DOK7: variants seen among roughly 807,000 people sequenced by gnomAD.
DOK7 encodes the protein protein Dok-7.
Under a neutral mutation model 30.7 loss-of-function variants are expected in DOK7, and 32 were observed. The observed-to-expected ratio is 1.04, with a 90% CI of 0.79 to 1.40. The LOEUF (loss-of-function observed/expected upper bound fraction) is 1.40. DOK7 is among the 40% of genes most tolerant of loss of function. The probability of loss-of-function intolerance (pLI) is 0.00; values close to 1 mark genes in which losing one functional copy is unlikely to be tolerated. For synonymous variants in DOK7, 447 were observed against 324.1 expected (o/e 1.38, Z -4.07); for missense variants, 1,007 against 699.2 (o/e 1.44, Z -4.97).
intron 6 of DOK7, among the ~76,000 whole-genome samples, chr4:3,491,309 G>GCCTTCTCCCCCTGCTCATTCATTCCTT (rs1218868377): frequency 4.2e-4 from 9 of 21,444 alleles, no homozygotes; most frequent in Admixed American, 7.5e-4. Context: ...ATTCATTCCT[G>GCCTTCTCCCCCTGCTCATTCATTCCTT]CCTTCTCCCC....
downstream of DOK7, among the ~76,000 whole-genome samples, chr4:3,498,533 G>A (rs116680398): frequency 0.015 from 2,309 of 152,204 alleles, 56 homozygotes; most frequent in African/African-American, 0.052. Flanking sequence ...GGCAAGCCCC[G>A]GCCCTGCCCC....
intron 4 of DOK7, among the ~76,000 whole-genome samples, chr4:3,477,766 C>G (rs1000791067): frequency 4.4e-5 from 6 of 136,000 alleles, no homozygotes; most frequent in African/African-American, 1.4e-4. Flanking sequence ...CTTGGCCCCT[C>G]TGGGATTGGA....
rs369931493 is a variant in DOK7 at position 3,493,899 on chromosome 4, C to T, written c.*398C>T. 3.1e-5 allele frequency: 33 copies of T among 1,063,168 alleles called. No homozygotes were observed. The highest frequency in any genetic ancestry group is 4.3e-4 in the Middle Eastern group (1 of 2,314). 65.9% of individuals were successfully genotyped at this position (1,063,168 alleles called of 1,614,324 possible). On this transcript the variant is annotated 3_prime_UTR_variant, in exon 7 of 7. Coordinates refer to ENST00000340083, the MANE Select transcript of DOK7 (RefSeq NM_173660.5). ...GCCTCACGCCCCCTTCGGGGGTGGC[C>T]GGTTCTCCCCATCACCTCTCTGGGG...
chr4:3,472,829 C>T lies in DOK7; in HGVS notation c.101-577C>T, dbSNP rs76074656. Among the ~76,000 whole-genome samples the T allele has an allele frequency of 2.1e-3, 325 of 152,310 alleles. 1 individual carries two copies. The highest frequency in any genetic ancestry group is 7.5e-3 in the African/African-American group (313 of 41,570). ...TAGGGCCTGCTGTGCTGGGCAGTGGCCGGGTGGATGGGGATGGGACCCAAG... is the reference window on the plus strand; with the variant it reads ...TAGGGCCTGCTGTGCTGGGCAGTGGTCGGGTGGATGGGGATGGGACCCAAG... On this transcript the variant is annotated intron_variant, in intron 2 of 6. Coordinates refer to ENST00000340083, the MANE Select transcript of DOK7 (RefSeq NM_173660.5).
At chr4:3,491,525 ATTCATTTCTTCCTTCTCCCACCTATTC>A (rs1728448554) in intron 6 of DOK7, among the ~76,000 whole-genome samples, 1 of 51,466 alleles carries the variant, frequency 1.9e-5, no homozygotes, top group Non-Finnish European at 4.3e-5. Flanking sequence ...CTGTCTGTTC[ATTCATTTCTTCCTTCTCCCACCTATTC>A]ATTCATTCCT....
intron 1 of DOK7, 35 bp from the exon 2 acceptor site, chr4:3,463,471 C>A: frequency 7.4e-7 from 1 of 1,350,002 alleles, no homozygotes; most frequent in South Asian, 1.5e-5. Flanking sequence ...GGCGCGGGCG[C>A]GGGCGGCGGC....
In DOK7 at chr4:3,485,573, G is replaced by A. The variant is rs141808910; in HGVS notation, c.567G>A (p.Gly189=). The A allele has an allele frequency of 5.2e-5, 84 of 1,607,424 alleles. No homozygotes were observed. In the African/African-American group the frequency reaches 1.1e-3, roughly 20 times the overall value. Residue 189 remains glycine, a synonymous_variant, in exon 5 of 7, where the codon GGG becomes GGA. Transcript: ENST00000340083. ...TCTTCTTCCTGTCCTCGGCCGAGGG[G>A]GAGCAGATCAGCTTCCTGTTCGACT... ...AGVFFLSSAE[G]EQISFLFDCI...
chr4:3,497,580 G>A (rs1728985592), downstream of DOK7, among the ~76,000 whole-genome samples: 1 of 152,148 alleles, frequency 6.6e-6, no homozygotes, highest in Non-Finnish European at 1.5e-5. Flanking sequence ...TTCTGTGCCT[G>A]TTTCCTTGTG....
downstream of DOK7, among the ~76,000 whole-genome samples, chr4:3,496,505 G>A (rs1353168836): frequency 6.6e-6 from 1 of 152,240 alleles, no homozygotes; most frequent in Non-Finnish European, 1.5e-5. Flanking sequence ...AAATAGTGGG[G>A]CTGGACTGGG....
chr4:3,484,635 G>C, intron 4 of DOK7: 1 of 985,512 alleles, frequency 1.0e-6, no homozygotes, highest in Middle Eastern at 5.2e-4. Context: ...GGTGGCGGCT[G>C]CATCGCTCTG....
Position 3,468,540 on chromosome 4 carries a change from A to ACTG in DOK7, c.101-4866_101-4865insCTG, listed in dbSNP as rs1560205457. ...TATGAGTGTGTGTGACTGTGAGTGT[A>ACTG]TGTGTGTGTGCCTGTGTGAGCATGT... On this transcript the variant is annotated intron_variant, in intron 2 of 6. Coordinates refer to ENST00000340083, the MANE Select transcript of DOK7 (RefSeq NM_173660.5). Among the ~76,000 whole-genome samples, 260 of 93,182 alleles carry ACTG rather than the reference A, an allele frequency of 2.8e-3. 1 individual carries two copies. The highest frequency in any genetic ancestry group is 0.014 in the African/African-American group (247 of 17,912). 61.1% of individuals were successfully genotyped at this position (93,182 alleles called of 152,430 possible). A position where few individuals can be genotyped will look rare whatever the true frequency, so the allele number is the denominator to read the frequency against.
chr4:3,496,678 C>T (rs1445565664), downstream of DOK7: 17 of 818,652 alleles, frequency 2.1e-5, no homozygotes, highest in South Asian at 1.8e-4. Flanking sequence ...TCAGGTATGG[C>T]GGGCTGGACT....
At chr4:3,469,172 TGTGC>T (rs977899463) in intron 2 of DOK7, among the ~76,000 whole-genome samples, 3 of 151,672 alleles carry the variant, frequency 2.0e-5, no homozygotes, top group Non-Finnish European at 2.9e-5. Context: ...CATGTGTGTG[TGTGC>T]GTCTGTGTGA....
intron 6 of DOK7, among the ~76,000 whole-genome samples, chr4:3,491,624 T>C (rs1728470363): frequency 6.6e-6 from 1 of 151,800 alleles, no homozygotes; most frequent in African/African-American, 2.4e-5. Context: ...GGAAAGGTGG[T>C]TCTGCCCTGA....
At chr4:3,466,093 G>C (rs1342588549) in intron 2 of DOK7, among the ~76,000 whole-genome samples, 4 of 152,216 alleles carry the variant, frequency 2.6e-5, no homozygotes, top group Non-Finnish European at 4.4e-5. Flanking sequence ...GGAGCTGGCA[G>C]GGTCTTGGAG....
At chr4:3,482,990 A>C (rs1026864457) in intron 4 of DOK7, among the ~76,000 whole-genome samples, 4 of 151,888 alleles carry the variant, frequency 2.6e-5, no homozygotes, top group African/African-American at 9.7e-5. Flanking sequence ...GCCAGAGGCC[A>C]AGAAAAGCAT....
chr4:3,485,898 G>A (rs944963964), intron 5 of DOK7, among the ~76,000 whole-genome samples: 1 of 152,168 alleles, frequency 6.6e-6, no homozygotes, highest in African/African-American at 2.4e-5. Flanking sequence ...TCGGGGGTCC[G>A]AGCTGTTGGA....
Position 3,483,613 on chromosome 4 carries a change from C to G in DOK7, c.533-1926C>G, listed in dbSNP as rs576540053. On this transcript the variant is annotated intron_variant, in intron 4 of 6. Transcript: ENST00000340083. ...GGGGTGAGTGACGCTCCGCAGACGC[C>G]GCATGGAATGCGGGGCCGGCTCCAC... Among the ~76,000 whole-genome samples the G allele has an allele frequency of 9.2e-5, 14 of 152,298 alleles. No individual in the cohort carries two copies. In the East Asian group the frequency reaches 2.5e-3, roughly 27 times the overall value.
chr4:3,491,561 C>A (rs543080881), intron 6 of DOK7, among the ~76,000 whole-genome samples: 2 of 20,060 alleles, frequency 1.0e-4, no homozygotes, highest in African/African-American at 2.5e-4. Flanking sequence ...TCATTCATTC[C>A]TTCCTTCACT....
Sources: gnomAD v4.1 joint callset for allele counts (sites outside exome capture counted in the v4.1 genomes callset) on GRCh38, gnomAD v4.1.1 for gene constraint, MANE v1.5 for transcripts, NCBI Gene and HGNC (gene_info 2026-07-23, HGNC 2026-07-21) for gene names.